The following NOTCH3 variants were observed in gnomAD, a reference collection of about 807,000 sequenced individuals.
The protein encoded by NOTCH3 is notch receptor 3.
Under a neutral mutation model 213.3 loss-of-function variants are expected in NOTCH3, and 86 were observed. That is an observed-to-expected ratio of 0.40 (90% CI 0.34 to 0.48). The LOEUF is 0.48. Ranked by LOEUF, NOTCH3 falls within the 20% of genes least tolerant of loss-of-function variation. NOTCH3 has a pLI of 0.57. For missense variants in NOTCH3, 2,783 were observed against 3,272.6 expected (o/e 0.85, Z 3.65); for synonymous variants, 1,354 against 1,355.9 (o/e 1.00, Z 0.03).
chr19:15,186,792 CAA>C, intron 12 of NOTCH3, 84 bp downstream of exon 12: 1 of 1,089,720 alleles, frequency 9.2e-7, no homozygotes. Flanking sequence ...CAAGAGTCTG[CAA>C]AGATACGGGC....
chr19:15,189,222 C>G (rs1249287767), intron 7 of NOTCH3, 48 bp from the exon 8 acceptor site: 2 of 1,613,244 alleles, frequency 1.2e-6, no homozygotes, highest in South Asian at 1.1e-5. Context: ...CCGGGACCCC[C>G]TCCTCTCCCC....
At chr19:15,177,403 A>G in intron 24 of NOTCH3, 122 bp downstream of exon 24, 1 of 813,916 alleles carries the variant, frequency 1.2e-6, no homozygotes. Flanking sequence ...ATGGGCAGAT[A>G]GAGTGCACAG....
intron 6 of NOTCH3, among the ~76,000 whole-genome samples, chr19:15,190,096 G>C (rs1348929921): frequency 1.3e-5 from 2 of 150,282 alleles, no homozygotes; most frequent in African/African-American, 5.0e-5. Flanking sequence ...GCAATATAGT[G>C]AGACCCGTCT....
At chr19:15,188,876 A>G in intron 8 of NOTCH3, 113 bp downstream of exon 8, 1 of 1,048,872 alleles carries the variant, frequency 9.5e-7, no homozygotes, top group Non-Finnish European at 1.4e-6. Context: ...TTCAGTCTCT[A>G]AGGGTCCCAC....
Position 15,161,625 on chromosome 19 carries a change from G to A in NOTCH3, c.6003C>T (p.Thr2001=), listed in dbSNP as rs528912597. Residue 2001 remains threonine (T), a synonymous_variant, in exon 33 of 33, where the codon ACC becomes ACT. Coordinates refer to ENST00000263388, the MANE Select transcript of NOTCH3 (RefSeq NM_000435.3). The part of the protein sequence containing the change: ...LLDHFANREI[T]DHLDRLPRDV... ...CCCGCGGCAGCCTGTCCAGGTGGTC[G>A]GTGATCTCACGGTTGGCAAAGTGGT... is the stretch of plus-strand genomic sequence containing the variant. 1.9e-5 allele frequency: 31 copies of A among 1,613,450 alleles called. No individual in the cohort carries two copies. In the East Asian group the frequency reaches 3.3e-4, roughly 17 times the overall value.
intron 24 of NOTCH3, among the ~76,000 whole-genome samples, chr19:15,175,023 C>G (rs1248030570): frequency 6.6e-6 from 1 of 152,094 alleles, no homozygotes; most frequent in Admixed American, 6.6e-5. Flanking sequence ...GTAGCTAGGA[C>G]TACAAACCCA....
rs769605032 is a variant in NOTCH3 at position 15,181,620 on chromosome 19, G to A, written c.2748C>T (p.Tyr916=). The change falls in exon 17 of 33, where the codon TAC becomes TAT. Residue 916 remains tyrosine, a synonymous_variant. Transcript: ENST00000263388. The stretch of plus-strand genomic sequence containing the variant: ...GGTCCTGTTCGCAGTGGAAGCCTCC[G>A]TAGCCTGGCGGGCAGGTGCAGGTGA... The part of the protein sequence containing the change: ...ASFTCTCPPG[Y]GGFHCEQDLP... 1.3e-5 allele frequency: 20 copies of A among 1,550,830 alleles called. No individual in the cohort carries two copies. The highest frequency in any genetic ancestry group is 1.7e-4 in the Middle Eastern group (1 of 6,014).
intron 2 of NOTCH3, 52 bp downstream of exon 2, chr19:15,197,448 C>CCCCCCCCCCCCCCCA: frequency 1.3e-6 from 1 of 797,784 alleles, no homozygotes. Context: ...ATCGCCCCTC[C>CCCCCCCCCCCCCCCA]CCCCCGCCCC....
Position 15,179,414 on chromosome 19 carries a change from CA to C in NOTCH3, c.3409del (p.Cys1137AlafsTer135). The C allele has an allele frequency of 1.2e-6, 2 of 1,614,166 alleles. No individual in the cohort carries two copies. Among genetic ancestry groups the C allele is most frequent in the Non-Finnish European group, 1.7e-6 (2 of 1,180,038 alleles). On this transcript the variant is annotated frameshift_variant, in exon 21 of 33. Transcript: ENST00000263388. LOFTEE classifies it high-confidence loss of function. ...ASQPCQHGGS[C>X]IDLVARYLCS... ...GAGATAGCGGGCCACGAGGTCAATG[CA>C]TGAACCCCCGTGCTGGCAGGGCTGG...
chr19:15,161,610 C>G lies in NOTCH3; in HGVS notation c.6018G>C (p.Arg2006Ser), dbSNP rs1173707250. Residue 2006 changes from arginine (R) to serine (S), a missense_variant, in exon 33 of 33, where the codon AGG (arginine) becomes AGC (serine). By Grantham distance (110) the Arg-to-Ser change is moderately radical (BLOSUM62 -1). Coordinates refer to ENST00000263388, the MANE Select transcript of NOTCH3 (RefSeq NM_000435.3). ...ANREITDHLDRLPRDVAQERL... is the reference protein window; with the variant it reads ...ANREITDHLDSLPRDVAQERL... ...TCTCCTGGGCTACGTCCCGCGGCAG[C>G]CTGTCCAGGTGGTCGGTGATCTCAC... 1.2e-6 allele frequency: 2 copies of G among 1,613,102 alleles called. No homozygotes were observed. The highest frequency in any genetic ancestry group is 2.2e-5 in the South Asian group (2 of 90,790).
intron 32 of NOTCH3, 137 bp from the exon 33 acceptor site, chr19:15,161,851 T>G: frequency 4.2e-6 from 3 of 706,218 alleles, no homozygotes; most frequent in Non-Finnish European, 7.0e-6. Flanking sequence ...CCGGCTGTGC[T>G]GGGGGAGCCT....
At chr19:15,198,298 G>C (rs1470756896) in intron 1 of NOTCH3, among the ~76,000 whole-genome samples, 4 of 152,244 alleles carry the variant, frequency 2.6e-5, no homozygotes, top group Admixed American at 6.5e-5. Context: ...GTGGAGAACT[G>C]TGTGCATGCG....
rs757787552 is a variant in NOTCH3 at position 15,165,460 on chromosome 19, G to A, written c.5723C>T (p.Thr1908Met). The change falls in exon 31 of 33, where the codon ACG becomes ATG. Residue 1908 changes from threonine (T) to methionine (M), a missense_variant. Coordinates refer to ENST00000263388, the MANE Select transcript of NOTCH3 (RefSeq NM_000435.3). This position sits in a 1 kb window ranked among gnomAD's most constrained non-coding sequence, Gnocchi z 4.7. ...DLDARMADGS[T>M]ALILAARLAV... ...CAGGCGGGCCGCCAGGATCAGTGCC[G>A]TTGAGCCATCTGCCATGCGGGCATC... 2.5e-6 allele frequency: 4 copies of A among 1,612,794 alleles called. No individual in the cohort carries two copies. Among genetic ancestry groups the A allele is most frequent in the Non-Finnish European group, 3.4e-6 (4 of 1,180,020 alleles).
At chr19:15,182,513 A>G (rs954083149) in intron 16 of NOTCH3, among the ~76,000 whole-genome samples, 9 of 152,118 alleles carry the variant, frequency 5.9e-5, no homozygotes, top group Non-Finnish European at 1.2e-4. Flanking sequence ...TCTCAAAAAA[A>G]AAAAAGGAAA....
intron 31 of NOTCH3, among the ~76,000 whole-genome samples, chr19:15,164,052 A>AG: frequency 6.6e-6 from 1 of 152,188 alleles, no homozygotes; most frequent in Admixed American, 6.6e-5. Flanking sequence ...TGGACAGATG[A>AG]GGGGCTTGGC....
At position 15,180,973 on chromosome 19, in the gene NOTCH3, G is replaced by T. The variant is rs367700473; in HGVS notation, c.2982C>A (p.Gly994=). 3.1e-6 allele frequency: 5 copies of T among 1,593,012 alleles called. No homozygotes were observed. In the Admixed American group the frequency reaches 8.8e-5, roughly 28 times the overall value. The change falls in exon 18 of 33, where the codon GGC becomes GGA. Residue 994 remains glycine, a synonymous_variant. Transcript: ENST00000263388. ...TAACTCCACCCACCTGGCACTGCGG[G>T]CCCGTGAAGCTCTCGAGGCAGGTGC... ...FRCTCLESFT[G]PQCQTLVDWC...
intron 20 of NOTCH3, chr19:15,179,743 G>A (rs1030456553): frequency 3.0e-5 from 18 of 590,868 alleles, no homozygotes; most frequent in South Asian, 9.8e-5. Flanking sequence ...TTAGCTGGGC[G>A]TGGTGGTGGG....
chr19:15,178,412 G>A (rs1021229226), intron 23 of NOTCH3: 4 of 421,938 alleles, frequency 9.5e-6, no homozygotes, highest in South Asian at 2.8e-5. Flanking sequence ...TTTTTGAGAC[G>A]GAGTGTCACT....
In NOTCH3 at chr19:15,192,148, A is replaced by G; in HGVS notation, c.491T>C (p.Val164Ala). 6.2e-7 allele frequency: 1 copy of G among 1,612,872 alleles called. No homozygotes were observed. The change falls in exon 4 of 33, where the codon GTG becomes GCG. Residue 164 changes from valine (V) to alanine (A), a missense_variant. Coordinates refer to ENST00000263388, the MANE Select transcript of NOTCH3 (RefSeq NM_000435.3). ...GCCACCATGGCGGCAGGGCTCACCC[A>G]CCCGGCACTCATCCACGTCGCTTCG... ...SCRSDVDECRVGEPCRHGGTC... is the reference protein window; with the variant it reads ...SCRSDVDECRAGEPCRHGGTC...
Sources: allele counts gnomAD v4.1 joint callset (sites outside exome capture counted in the v4.1 genomes callset), GRCh38; gene constraint gnomAD v4.1.1; non-coding constraint Gnocchi (gnomAD v3.1); transcripts MANE v1.5; gene names NCBI Gene and HGNC (gene_info 2026-07-23, HGNC 2026-07-21).